The following COL6A6 variants were observed in gnomAD, a reference collection of about 807,000 sequenced individuals.
COL6A6 encodes the protein collagen alpha-6(VI) chain.
In COL6A6, 183 loss-of-function variants were observed where a neutral mutation model predicts 208.6. The ratio of observed to expected loss-of-function variants is 0.88; its 90% CI spans 0.78 to 0.99. COL6A6 has a LOEUF of 0.99. COL6A6 is among the 50% of genes least tolerant of loss of function. The probability of loss-of-function intolerance (pLI) is 0.00; values close to 1 mark genes in which losing one functional copy is unlikely to be tolerated. For missense variants in COL6A6, 2,816 were observed against 2,815.2 expected (o/e 1.00, Z -0.01); for synonymous variants, 973 against 1,011.8 (o/e 0.96, Z 0.73).
chr3:130,592,534 T>G lies in COL6A6; in HGVS notation c.4273-7T>G. The G allele has an allele frequency of 6.3e-7, 1 of 1,590,364 alleles. No individual in the cohort carries two copies. The highest frequency in any genetic ancestry group is 8.6e-7 in the Non-Finnish European group (1 of 1,166,518). ...AAAAGCTCATTTGGATATGTGCCCTTTCTCAGGGAGAAAGAGGAGCCCCTG... is the reference window on the plus strand; with the variant it reads ...AAAAGCTCATTTGGATATGTGCCCTGTCTCAGGGAGAAAGAGGAGCCCCTG... On this transcript the variant is annotated splice_polypyrimidine_tract_variant and splice_region_variant and intron_variant, in intron 13 of 36. Coordinates refer to ENST00000358511, the MANE Select transcript of COL6A6 (RefSeq NM_001102608.3).
rs979406746 is a variant in COL6A6, at chr3:130,676,405, A to G, written c.*1008A>G. On this transcript the variant is annotated 3_prime_UTR_variant, in exon 37 of 37. Coordinates refer to ENST00000358511, the MANE Select transcript of COL6A6 (RefSeq NM_001102608.3). ...AGTAAGTTAAAGTAGGAAAGGTTTTATAAAAGTATTGATGGCTGTGTCCTC... is the reference window on the plus strand; with the variant it reads ...AGTAAGTTAAAGTAGGAAAGGTTTTGTAAAAGTATTGATGGCTGTGTCCTC... 1 of 152,246 alleles carries G rather than the reference A, an allele frequency of 6.6e-6. No individual in the cohort carries two copies. Among genetic ancestry groups the G allele is most frequent in the Admixed American group, 6.5e-5 (1 of 15,286 alleles). 9.4% of individuals were successfully genotyped at this position (152,246 alleles called of 1,614,324 possible). A position where few individuals can be genotyped will look rare whatever the true frequency, so the allele number is the denominator to read the frequency against.
rs1390669232 is a variant in COL6A6, at chr3:130,565,123, A to G, written c.791A>G (p.Asn264Ser). The change falls in exon 4 of 37, where the codon AAT (asparagine) becomes AGT (serine). Residue 264 changes from asparagine (N) to serine (S), a missense_variant. By Grantham distance (46) the Asn-to-Ser change is conservative (BLOSUM62 1). Transcript: ENST00000358511. Reference sequence around the variant, plus strand: ...GTATCTGCCCTTGACATAAAGGAAAATTGCATGAGGGTTGGCCTTGTGGCC... The same window carrying G: ...GTATCTGCCCTTGACATAAAGGAAAGTTGCATGAGGGTTGGCCTTGTGGCC... ...ESVSALDIKE[N>S]CMRVGLVAYS... 6.2e-7 allele frequency: 1 copy of G among 1,614,062 alleles called. No homozygotes were observed. Among genetic ancestry groups the G allele is most frequent in the South Asian group, 1.1e-5 (1 of 91,080 alleles).
chr3:130,674,257 C>A (rs1015491833), intron 36 of COL6A6, among the ~76,000 whole-genome samples: 1 of 152,188 alleles, frequency 6.6e-6, no homozygotes, highest in Non-Finnish European at 1.5e-5. Flanking sequence ...GTTCCTCAGT[C>A]ACACTACATT....
Position 130,534,147 on chromosome 3 carries a change from A to G in COL6A6, c.-32+16750A>G, listed in dbSNP as rs1412199593. Among the ~76,000 whole-genome samples, 4 of 152,196 alleles carry G rather than the reference A, an allele frequency of 2.6e-5. No homozygotes were observed. In the East Asian group the frequency reaches 5.8e-4, roughly 22 times the overall value. ...AATTATATTCCCACCAGCCATGTAT[A>G]TAAGTTCTAACTTCCCTACATCCTT... On this transcript the variant is annotated intron_variant, in intron 1 of 36. Transcript: ENST00000358511.
intron 1 of COL6A6, among the ~76,000 whole-genome samples, chr3:130,540,590 A>G (rs937130907): frequency 6.6e-6 from 1 of 152,138 alleles, no homozygotes; most frequent in African/African-American, 2.4e-5. Flanking sequence ...TGCTGCATCT[A>G]TCAACCCATC....
intron 20 of COL6A6, among the ~76,000 whole-genome samples, chr3:130,605,154 T>C (rs1186999575): frequency 6.6e-6 from 1 of 152,232 alleles, no homozygotes; most frequent in Non-Finnish European, 1.5e-5. Context: ...CCTCTGCCTG[T>C]AGGACTGCTA....
intron 36 of COL6A6, among the ~76,000 whole-genome samples, chr3:130,667,953 C>A: frequency 6.6e-6 from 1 of 150,378 alleles, no homozygotes. Context: ...TAGCTAACTA[C>A]CAAAAATCTA....
chr3:130,553,491 C>T (rs1244603918), intron 1 of COL6A6, among the ~76,000 whole-genome samples: 2 of 152,212 alleles, frequency 1.3e-5, no homozygotes, highest in Non-Finnish European at 2.9e-5. Flanking sequence ...TTTTTCAGCT[C>T]TATCAGATCA....
At chr3:130,668,853 A>G (rs1212642839) in intron 36 of COL6A6, among the ~76,000 whole-genome samples, 1 of 152,374 alleles carries the variant, frequency 6.6e-6, no homozygotes, top group East Asian at 1.9e-4. Context: ...GACAAAAATT[A>G]GTAATGATAT....
At chr3:130,528,097 A>C (rs1489498298) in intron 1 of COL6A6, among the ~76,000 whole-genome samples, 1 of 152,132 alleles carries the variant, frequency 6.6e-6, no homozygotes, top group Admixed American at 6.5e-5. Flanking sequence ...ATGCTATGAA[A>C]AATAATAAGA....
intron 19 of COL6A6, among the ~76,000 whole-genome samples, chr3:130,599,299 A>G (rs1240037900): frequency 6.6e-6 from 1 of 152,242 alleles, no homozygotes; most frequent in Non-Finnish European, 1.5e-5. Context: ...TCAAGTGATC[A>G]TCTAGTGATC....
chr3:130,548,542 T>C (rs907578723), intron 1 of COL6A6, among the ~76,000 whole-genome samples: 8 of 152,244 alleles, frequency 5.3e-5, no homozygotes, highest in Non-Finnish European at 1.2e-4. Flanking sequence ...TCTCCTTAAC[T>C]ACTTTCCCCT....
intron 29 of COL6A6, 33 bp downstream of exon 29, chr3:130,641,747 CT>C: frequency 4.5e-6 from 6 of 1,325,816 alleles, no homozygotes; most frequent in Non-Finnish European, 6.4e-6. Context: ...ACAGCAGGTC[CT>C]TTTCCATTAA....
intron 33 of COL6A6, among the ~76,000 whole-genome samples, 175 bp downstream of exon 33, chr3:130,649,737 T>G (rs2065579820): frequency 6.6e-6 from 1 of 150,386 alleles, no homozygotes; most frequent in Admixed American, 6.8e-5. Context: ...GTTAAGCTCT[T>G]TCTATTAAAT....
chr3:130,597,511 T>C (rs2063885750), intron 18 of COL6A6, among the ~76,000 whole-genome samples: 1 of 152,208 alleles, frequency 6.6e-6, no homozygotes, highest in Non-Finnish European at 1.5e-5. Flanking sequence ...TCTGAGCTGC[T>C]ATCAGCCCAG....
At chr3:130,584,165 C>T (rs1206381172) in intron 10 of COL6A6, among the ~76,000 whole-genome samples, 1 of 152,106 alleles carries the variant, frequency 6.6e-6, no homozygotes, top group East Asian at 1.9e-4. Flanking sequence ...TCATGTGACT[C>T]ATTTATTGGA....
At chr3:130,566,382 A>G (rs2063023611) in intron 4 of COL6A6, among the ~76,000 whole-genome samples, 1 of 152,152 alleles carries the variant, frequency 6.6e-6, no homozygotes, top group Non-Finnish European at 1.5e-5. Context: ...ACACTACTTG[A>G]CTTTTTGCTA....
intron 1 of COL6A6, among the ~76,000 whole-genome samples, chr3:130,522,337 T>C (rs1024402687): frequency 9.2e-5 from 14 of 152,210 alleles, no homozygotes; most frequent in African/African-American, 3.4e-4. Context: ...AGTGAAGATT[T>C]GGTGTGACTC....
intron 1 of COL6A6, among the ~76,000 whole-genome samples, chr3:130,533,208 G>A (rs1017214844): frequency 1.9e-4 from 27 of 145,100 alleles, no homozygotes; most frequent in African/African-American, 6.8e-4. Context: ...AGTGCAGTTT[G>A]TTGCCTCTGT....
Sources: allele counts gnomAD v4.1 joint callset (sites outside exome capture counted in the v4.1 genomes callset), GRCh38; gene constraint gnomAD v4.1.1; transcripts MANE v1.5; gene names NCBI Gene and HGNC (gene_info 2026-07-23, HGNC 2026-07-21).